AKAP19: variants seen among roughly 807,000 people sequenced by gnomAD.
AKAP19 encodes the protein A-kinase anchoring protein 19, also known as small A-kinase anchoring protein.
chr2:190,153,142 A>G, the AKAP19 span, among the ~76,000 whole-genome samples: 14 of 151,896 alleles, frequency 9.2e-5, no homozygotes, highest in Non-Finnish European at 1.8e-4. Flanking sequence ...TGATCTGCCC[A>G]CCTCGGCCTC....
At chr2:189,918,995 T>C in the AKAP19 span, among the ~76,000 whole-genome samples, 5,091 of 152,306 alleles carry the variant, frequency 0.033, 288 homozygotes, top group African/African-American at 0.12. Flanking sequence ...TTAACCATGG[T>C]CCAAAAATAT....
At chr2:189,974,531 C>T in the AKAP19 span, among the ~76,000 whole-genome samples, 1 of 152,084 alleles carries the variant, frequency 6.6e-6, no homozygotes, top group Non-Finnish European at 1.5e-5. Context: ...TCCTGGATAT[C>T]CTTTTTAACT....
chr2:190,145,673 C>A, the AKAP19 span, among the ~76,000 whole-genome samples: 3 of 152,056 alleles, frequency 2.0e-5, no homozygotes, highest in African/African-American at 4.8e-5. Context: ...TAGGCTATAT[C>A]TTACTGCCTG....
the AKAP19 span, among the ~76,000 whole-genome samples, chr2:190,170,601 C>T: frequency 2.0e-5 from 3 of 152,142 alleles, no homozygotes; most frequent in African/African-American, 7.2e-5. Context: ...CCAACCAGGA[C>T]CCAAAGATGG....
chr2:190,138,469 T>C, the AKAP19 span, among the ~76,000 whole-genome samples: 2 of 152,242 alleles, frequency 1.3e-5, no homozygotes, highest in African/African-American at 4.8e-5. Flanking sequence ...TGTCCAAGCT[T>C]CTTGTTCACA....
chr2:190,107,568 A>G, the AKAP19 span, among the ~76,000 whole-genome samples: 3 of 152,184 alleles, frequency 2.0e-5, no homozygotes, highest in African/African-American at 7.2e-5. Flanking sequence ...AGATGAGTCT[A>G]TTTGATTTCA....
the AKAP19 span, chr2:189,917,288 T>C: frequency 3.5e-6 from 5 of 1,409,716 alleles, no homozygotes; most frequent in African/African-American, 4.3e-5. Flanking sequence ...TTTTGGTTTC[T>C]TCATGGTCCT....
At chr2:189,944,511 G>A in the AKAP19 span, among the ~76,000 whole-genome samples, 1 of 152,012 alleles carries the variant, frequency 6.6e-6, no homozygotes, top group Non-Finnish European at 1.5e-5. Context: ...CTTTATAGCA[G>A]TGCAAGAACA....
the AKAP19 span, among the ~76,000 whole-genome samples, chr2:190,007,794 C>T: frequency 6.6e-6 from 1 of 152,060 alleles, no homozygotes; most frequent in Admixed American, 6.5e-5. Context: ...AACCCTTTCT[C>T]TACTAAAAAT....
At chr2:190,054,499 T>A in the AKAP19 span, among the ~76,000 whole-genome samples, 3 of 151,936 alleles carry the variant, frequency 2.0e-5, no homozygotes, top group African/African-American at 7.2e-5. Context: ...TGGAATCTAA[T>A]TAAAGAGCTT....
At chr2:190,138,185 G>A in the AKAP19 span, among the ~76,000 whole-genome samples, 1 of 152,120 alleles carries the variant, frequency 6.6e-6, no homozygotes, top group Non-Finnish European at 1.5e-5. Flanking sequence ...TCTTTGTGTA[G>A]TTACTACTTT....
At chr2:190,024,657 T>C in the AKAP19 span, among the ~76,000 whole-genome samples, 23 of 152,186 alleles carry the variant, frequency 1.5e-4, no homozygotes, top group South Asian at 1.2e-3. Flanking sequence ...GAAACCCTGA[T>C]TGGGTACTTG....
At chr2:189,975,090 A>G in the AKAP19 span, among the ~76,000 whole-genome samples, 1 of 152,082 alleles carries the variant, frequency 6.6e-6, no homozygotes, top group Non-Finnish European at 1.5e-5. Context: ...GGTCTTTACA[A>G]TTTGGCATGT....
At chr2:190,073,063 G>A in the AKAP19 span, among the ~76,000 whole-genome samples, 1 of 152,024 alleles carries the variant, frequency 6.6e-6, no homozygotes, top group Non-Finnish European at 1.5e-5. Context: ...CTTTTTTAAA[G>A]AGAAAAAACA....
At chr2:190,134,264 A>G in the AKAP19 span, among the ~76,000 whole-genome samples, 21 of 152,140 alleles carry the variant, frequency 1.4e-4, no homozygotes, top group African/African-American at 3.9e-4. Context: ...CTACTGTTAA[A>G]GGTGAACCCT....
chr2:190,076,299 C>A, the AKAP19 span, among the ~76,000 whole-genome samples: 4 of 152,136 alleles, frequency 2.6e-5, no homozygotes, highest in Admixed American at 6.5e-5. Context: ...TTATTGGATG[C>A]TAGCAACAAC....
At chr2:189,928,850 T>C in the AKAP19 span, among the ~76,000 whole-genome samples, 1 of 152,178 alleles carries the variant, frequency 6.6e-6, no homozygotes, top group Non-Finnish European at 1.5e-5. Context: ...ATTTCTTTGT[T>C]AGGTTGAGAC....
the AKAP19 span, among the ~76,000 whole-genome samples, chr2:190,107,030 A>T: frequency 6.6e-6 from 1 of 152,212 alleles, no homozygotes; most frequent in African/African-American, 2.4e-5. Context: ...TTTGGCAATG[A>T]TGTGGGCCAC....
the AKAP19 span, chr2:190,057,381 T>C: frequency 6.2e-7 from 1 of 1,613,702 alleles, no homozygotes; most frequent in South Asian, 1.1e-5. Flanking sequence ...AAGGGCCTGC[T>C]GAACCTCTGG....
Sources: gnomAD v4.1 joint callset for allele counts (sites outside exome capture counted in the v4.1 genomes callset) on GRCh38, gnomAD v4.1.1 for gene constraint, MANE v1.5 for transcripts, NCBI Gene and HGNC (gene_info 2026-07-23, HGNC 2026-07-21) for gene names.